SEMA3A: variants seen among roughly 807,000 people sequenced by gnomAD.
The protein encoded by SEMA3A is semaphorin 3A.
In SEMA3A, 29 loss-of-function variants were observed where a neutral mutation model predicts 97.9. The ratio of observed to expected loss-of-function variants is 0.30; its 90% confidence interval spans 0.22 to 0.40. The LOEUF (loss-of-function observed/expected upper bound fraction) is 0.40, where lower values mean the gene tolerates loss of function less well. Ranked by LOEUF, SEMA3A falls within the 10% of genes least tolerant of loss-of-function variation. SEMA3A has a pLI of 1.00. For missense variants in SEMA3A, 763 were observed against 951.3 expected (o/e 0.80, Z 2.60); for synonymous variants, 321 against 323.7 (o/e 0.99, Z 0.09).
intron 3 of SEMA3A, among the ~76,000 whole-genome samples, chr7:84,288,390 T>C (rs1299315981): frequency 6.6e-6 from 1 of 152,174 alleles, no homozygotes; most frequent in Non-Finnish European, 1.5e-5. Context: ...GGACATAAGA[T>C]ATTTAATCTA....
At chr7:84,166,520 G>A (rs1329721403) in intron 1 of SEMA3A, among the ~76,000 whole-genome samples, 3 of 147,726 alleles carry the variant, frequency 2.0e-5, no homozygotes, top group African/African-American at 5.0e-5. Flanking sequence ...GCAGTGAGCC[G>A]AGATTGTGCC....
At chr7:84,364,657 T>G (rs1395498114) in intron 2 of SEMA3A, among the ~76,000 whole-genome samples, 1 of 151,752 alleles carries the variant, frequency 6.6e-6, no homozygotes, top group Non-Finnish European at 1.5e-5. Flanking sequence ...CTACTTGCAT[T>G]ACCATGCTGT....
chr7:84,235,680 C>T (rs2116366811), intron 3 of SEMA3A, among the ~76,000 whole-genome samples: 1 of 152,190 alleles, frequency 6.6e-6, no homozygotes, highest in Admixed American at 6.6e-5. Context: ...CTCACTCCAA[C>T]TATTCTACTA....
chr7:84,323,444 G>T (rs143244535), intron 2 of SEMA3A, among the ~76,000 whole-genome samples: 1 of 151,970 alleles, frequency 6.6e-6, no homozygotes, highest in East Asian at 1.9e-4. Flanking sequence ...AAAGCAGAAC[G>T]TAAGTACAAT....
At chr7:84,126,714 T>A (rs1413023976) in intron 3 of SEMA3A, among the ~76,000 whole-genome samples, 2 of 152,198 alleles carry the variant, frequency 1.3e-5, no homozygotes, top group Non-Finnish European at 2.9e-5. Flanking sequence ...TTTTTGTTTG[T>A]TCAATTATAC....
chr7:83,980,603 C>CAAAAAAAAAAAAAACAAAAAA (rs1789353637), intron 14 of SEMA3A, among the ~76,000 whole-genome samples: 13 of 53,964 alleles, frequency 2.4e-4, no homozygotes, highest in African/African-American at 9.4e-4. Flanking sequence ...GACTCCATCT[C>CAAAAAAAAAAAAAACAAAAAA]AAAAAAAAAA....
chr7:84,024,979 T>G (rs754640864), intron 6 of SEMA3A, among the ~76,000 whole-genome samples: 39 of 151,590 alleles, frequency 2.6e-4, no homozygotes, highest in Non-Finnish European at 4.7e-4. Context: ...CCCAGTTACT[T>G]GGGAGGCTGA....
At chr7:84,195,024 A>AGAGAGAGAGAGAGAAAGAG (rs1798179833), upstream of SEMA3A, 17 of 140,566 alleles carry the variant, frequency 1.2e-4, no homozygotes, top group Non-Finnish European at 2.0e-4. Flanking sequence ...GAGAGAGAGA[A>AGAGAGAGAGAGAGAAAGAG]AGAGAGAGAG....
At chr7:84,313,370 A>ATATATGTATATGTGTG (rs1801405978) in intron 2 of SEMA3A, among the ~76,000 whole-genome samples, 2 of 32,206 alleles carry the variant, frequency 6.2e-5, no homozygotes, top group Admixed American at 3.7e-4. Flanking sequence ...ATATATATAT[A>ATATATGTATATGTGTG]TATATATATA....
intron 1 of SEMA3A, among the ~76,000 whole-genome samples, chr7:84,158,902 A>T (rs528194748): frequency 5.1e-4 from 77 of 152,246 alleles, no homozygotes; most frequent in African/African-American, 1.8e-3. Context: ...AATAATGCAT[A>T]TTAGTTTCTG....
chr7:84,465,640 C>T (rs1318619554), intron 1 of SEMA3A, among the ~76,000 whole-genome samples: 2 of 152,038 alleles, frequency 1.3e-5, no homozygotes, highest in Non-Finnish European at 2.9e-5. Flanking sequence ...AAATAAAATA[C>T]TTGATTTATC....
intron 2 of SEMA3A, among the ~76,000 whole-genome samples, chr7:84,325,946 C>G (rs1226263537): frequency 5.9e-5 from 9 of 152,064 alleles, no homozygotes; most frequent in Non-Finnish European, 1.2e-4. Flanking sequence ...CTGTTCTGCT[C>G]TCAGCTTCTG....
intron 1 of SEMA3A, among the ~76,000 whole-genome samples, chr7:84,152,710 TAAA>T (rs376166376): frequency 6.6e-6 from 1 of 151,784 alleles, no homozygotes; most frequent in East Asian, 1.9e-4. Flanking sequence ...AATAAATAAA[TAAA>T]AAAGAAGAAG....
chr7:84,489,256 T>C (rs1233239333), intron 1 of SEMA3A: 5 of 152,106 alleles, frequency 3.3e-5, no homozygotes, highest in African/African-American at 1.2e-4. Flanking sequence ...GAGAGCAGCA[T>C]GGGGGAAACC....
At chr7:84,426,733 T>G (rs1354989321) in intron 1 of SEMA3A, among the ~76,000 whole-genome samples, 1 of 152,132 alleles carries the variant, frequency 6.6e-6, no homozygotes, top group Non-Finnish European at 1.5e-5. Flanking sequence ...TTGTAATAGC[T>G]TTTGAGACAT....
chr7:84,381,271 C>A (rs944919604), intron 1 of SEMA3A, among the ~76,000 whole-genome samples: 3 of 152,068 alleles, frequency 2.0e-5, no homozygotes, highest in African/African-American at 7.2e-5. Flanking sequence ...TAATTGTTTT[C>A]TGATTTGTAG....
chr7:84,177,351 T>A (rs1797599980), intron 1 of SEMA3A, among the ~76,000 whole-genome samples: 1 of 152,132 alleles, frequency 6.6e-6, no homozygotes, highest in African/African-American at 2.4e-5. Context: ...TTCATTCTCC[T>A]ATGTGTTTAT....
chr7:84,155,510 T>C (rs1796819509), intron 1 of SEMA3A, among the ~76,000 whole-genome samples: 1 of 152,118 alleles, frequency 6.6e-6, no homozygotes, highest in African/African-American at 2.4e-5. Flanking sequence ...CTTTAGGAAT[T>C]TCTGTTCGTT....
intron 4 of SEMA3A, among the ~76,000 whole-genome samples, chr7:84,086,082 C>T (rs1048205299): frequency 2.6e-5 from 4 of 152,072 alleles, no homozygotes; most frequent in Admixed American, 2.6e-4. Context: ...TATAACTTCT[C>T]TACGAGTGCT....
Sources: gnomAD v4.1 joint callset for allele counts (sites outside exome capture counted in the v4.1 genomes callset) on GRCh38, gnomAD v4.1.1 for gene constraint, MANE v1.5 for transcripts, NCBI Gene and HGNC (gene_info 2026-07-23, HGNC 2026-07-21) for gene names.